The following LGI2 variants were observed in gnomAD, a reference collection of about 807,000 sequenced individuals.
LGI2 encodes the protein leucine rich repeat LGI family member 2, also known as leucine-rich repeat LGI family member 2.
In LGI2, 30 loss-of-function variants were observed where a neutral mutation model predicts 52.0. That is an observed-to-expected ratio of 0.58 (90% CI 0.43 to 0.78). LGI2 has a LOEUF of 0.78. Ranked by LOEUF, LGI2 falls within the 30% of genes least tolerant of loss-of-function variation. The probability of loss-of-function intolerance (pLI) is 0.00; values close to 1 mark genes in which losing one functional copy is unlikely to be tolerated. For missense variants in LGI2, 573 were observed against 692.5 expected (o/e 0.83, Z 1.94); for synonymous variants, 270 against 271.8 (o/e 0.99, Z 0.06).
Position 25,030,789 on chromosome 4 carries a change from C to G in LGI2, c.-96G>C. ...GCAGACGCGGGCGCCGCTCGCTGCT[C>G]TGCCGCCGCCGCTGCTGGCGAGGAC... On this transcript the variant is annotated 5_prime_UTR_variant, in exon 1 of 8. Transcript: ENST00000382114. 1.5e-6 allele frequency: 1 copy of G among 646,984 alleles called. No homozygotes were observed. The highest frequency in any genetic ancestry group is 1.9e-6 in the Non-Finnish European group (1 of 515,730). 40.1% of individuals were successfully genotyped at this position (646,984 alleles called of 1,614,324 possible). A position where few individuals can be genotyped will look rare whatever the true frequency, so the allele number is the denominator to read the frequency against.
Position 25,004,356 on chromosome 4 carries a change from G to T in LGI2, c.821-88C>A. On this transcript the variant is annotated intron_variant, in intron 7 of 7. Transcript: ENST00000382114. The surrounding 1 kb of genome is among the most constrained non-coding windows in gnomAD (Gnocchi z 4.6). Reference sequence around the variant, plus strand: ...GTACTCTTATACACTGCTGGTGGGAGTGTGAAATGGCACAGCCACTATGGA... The same window carrying T: ...GTACTCTTATACACTGCTGGTGGGATTGTGAAATGGCACAGCCACTATGGA... The T allele has an allele frequency of 1.7e-6, 2 of 1,163,180 alleles. No homozygotes were observed. Among genetic ancestry groups the T allele is most frequent in the Non-Finnish European group, 2.4e-6 (2 of 823,868 alleles). 72.1% of individuals were successfully genotyped at this position (1,163,180 alleles called of 1,614,324 possible).
Position 25,012,363 on chromosome 4 carries a change from C to T in LGI2, c.792G>A (p.Met264Ile), listed in dbSNP as rs1435926979. ...CMVLEWDHIEMNFRSYDNITG... is the reference protein window; with the variant it reads ...CMVLEWDHIEINFRSYDNITG... ...TAATGTTGTCATAGCTCCGGAAATT[C>T]ATTTCAATGTGGTCCCACTCCAGCA... The change falls in exon 7 of 8, where the codon ATG becomes ATA. Residue 264 changes from methionine to isoleucine, a missense_variant. Coordinates refer to ENST00000382114, the MANE Select transcript of LGI2 (RefSeq NM_018176.4). 6.2e-7 allele frequency: 1 copy of T among 1,614,256 alleles called. No homozygotes were observed. Among genetic ancestry groups the T allele is most frequent in the Middle Eastern group, 1.6e-4 (1 of 6,062 alleles).
intron 4 of LGI2, among the ~76,000 whole-genome samples, chr4:25,023,708 G>A (rs1270058971): frequency 6.6e-6 from 1 of 152,124 alleles, no homozygotes; most frequent in Admixed American, 6.5e-5. Flanking sequence ...TTTATGGCAG[G>A]CAGGCTGACT....
Position 25,003,985 on chromosome 4 carries a change from G to A in LGI2, c.1104C>T (p.His368=), listed in dbSNP as rs3796790. 1,471 of 1,614,164 alleles carry A rather than the reference G, an allele frequency of 9.1e-4. 27 individuals are homozygous for A. In the East Asian group the frequency reaches 0.025, roughly 28 times the overall value. Reference sequence around the variant, plus strand: ...CCGCATCCGTGTCCCTGAACCACTCGTGCAGTGACTGGTAAGAATAGAATC... The same window carrying A: ...CCGCATCCGTGTCCCTGAACCACTCATGCAGTGACTGGTAAGAATAGAATC... ...SKGFYSYQSL[H]EWFRDTDAEF... is the part of the protein sequence containing the mutation. The change falls in exon 8 of 8, where the codon CAC becomes CAT. Residue 368 remains histidine, a synonymous_variant. Transcript: ENST00000382114.
At chr4:24,992,441 C>T in the LGI2 span, among the ~76,000 whole-genome samples, 1,323 of 152,072 alleles carry the variant, frequency 8.7e-3, 17 homozygotes, top group African/African-American at 0.03. Flanking sequence ...GAGCCAGGTG[C>T]GGTGGCTCAC....
At chr4:25,024,759 TC>T in intron 4 of LGI2, 60 bp downstream of exon 4, 1 of 1,145,016 alleles carries the variant, frequency 8.7e-7, no homozygotes, top group Non-Finnish European at 1.3e-6. Context: ...ACAGAGAGGC[TC>T]CAGGAAACCA....
rs115077334 is a variant in LGI2 at position 25,016,099 on chromosome 4, A to T, written c.655+1890T>A. On this transcript the variant is annotated intron_variant, in intron 6 of 7. Coordinates refer to ENST00000382114, the MANE Select transcript of LGI2 (RefSeq NM_018176.4). ...TGCTACTCCATGTTGGGATGAGGAC[A>T]GGTTACCTCAGTTCCAAGCTACCAC... Among the ~76,000 whole-genome samples, 714 of 151,860 alleles carry T rather than the reference A, an allele frequency of 4.7e-3. 10 individuals are homozygous for T. Among genetic ancestry groups the T allele is most frequent in the African/African-American group, 0.016 (664 of 41,146 alleles).
At chr4:25,025,603 T>C (rs1433249808) in intron 3 of LGI2, among the ~76,000 whole-genome samples, 1 of 137,500 alleles carries the variant, frequency 7.3e-6, no homozygotes, top group African/African-American at 3.3e-5. Flanking sequence ...GGGAAATAAT[T>C]GATGTGAATT....
chr4:25,025,221 C>G (rs1237757322), intron 3 of LGI2, among the ~76,000 whole-genome samples: 1 of 152,202 alleles, frequency 6.6e-6, no homozygotes, highest in Non-Finnish European at 1.5e-5. Flanking sequence ...CTCTGCAAGA[C>G]TGGAGCACTT....
chr4:25,009,362 C>G (rs181227349), intron 7 of LGI2, among the ~76,000 whole-genome samples: 2 of 152,254 alleles, frequency 1.3e-5, no homozygotes, highest in South Asian at 2.1e-4. Context: ...CCTCTCCATG[C>G]GAACCAATCC....
intron 4 of LGI2, among the ~76,000 whole-genome samples, chr4:25,022,990 C>T (rs1290573605): frequency 6.6e-6 from 1 of 152,178 alleles, no homozygotes; most frequent in East Asian, 1.9e-4. Flanking sequence ...TGTCTGGCCA[C>T]CCAAACTGCC....
rs1385460546 is a variant in LGI2 at position 25,000,852 on chromosome 4, T to A, written c.*2599A>T. ...ACATTATTACTGGAAGAATGCTTCT[T>A]GCAGAAGTTGTTTAAAACTTCAGGG... is the stretch of plus-strand genomic sequence containing the variant. On this transcript the variant is annotated 3_prime_UTR_variant, in exon 8 of 8. Coordinates refer to ENST00000382114, the MANE Select transcript of LGI2 (RefSeq NM_018176.4). The A allele has an allele frequency of 1.3e-5, 2 of 152,218 alleles. No individual in the cohort carries two copies. The highest frequency in any genetic ancestry group is 2.4e-5 in the African/African-American group (1 of 41,454). The allele number at this position is 152,218 out of a possible 1,614,324, so 9.4% of individuals were successfully genotyped here.
At chr4:25,022,040 T>G (rs561260732) in intron 4 of LGI2, among the ~76,000 whole-genome samples, 1 of 151,768 alleles carries the variant, frequency 6.6e-6, no homozygotes, top group African/African-American at 2.4e-5. Context: ...TCAGGAAGTA[T>G]GTCCTGCTGG....
chr4:25,017,537 G>C (rs1243371544), intron 6 of LGI2, among the ~76,000 whole-genome samples: 1 of 70,948 alleles, frequency 1.4e-5, no homozygotes, highest in Non-Finnish European at 2.3e-5. Context: ...GTAAGACTCT[G>C]CCTCAAAAAA....
Position 25,000,220 on chromosome 4 carries a change from C to G in LGI2, c.*3231G>C, listed in dbSNP as rs6827675. ...AGGTGCTGCCAAATTCAAAATCATG[C>G]TAGAAATGAAAGTCTTTCTCTGGGA... On this transcript the variant is annotated 3_prime_UTR_variant, in exon 8 of 8. Transcript: ENST00000382114. The G allele has an allele frequency of 0.51, 85,868 of 168,716 alleles. 22,925 individuals carry two copies. Among genetic ancestry groups the G allele is most frequent in the East Asian group, 0.77 (4,281 of 5,566 alleles). The allele number at this position is 168,716 out of a possible 1,614,324, so 10.5% of individuals were successfully genotyped here. A position where few individuals can be genotyped will look rare whatever the true frequency, so the allele number is the denominator to read the frequency against.
intron 3 of LGI2, among the ~76,000 whole-genome samples, chr4:25,025,267 G>A (rs1289135835): frequency 6.6e-6 from 1 of 152,198 alleles, no homozygotes; most frequent in East Asian, 1.9e-4. Flanking sequence ...ACATTTCACG[G>A]TGCCTGGCTA....
chr4:25,030,472 TG>T, intron 1 of LGI2, 24 bp downstream of exon 1: 1 of 1,534,936 alleles, frequency 6.5e-7, no homozygotes, highest in Non-Finnish European at 8.8e-7. Context: ...CGGGACGGGA[TG>T]GGGGCTGGAG....
intron 2 of LGI2, among the ~76,000 whole-genome samples, chr4:25,027,794 T>A (rs559069280): frequency 5.9e-5 from 9 of 152,256 alleles, no homozygotes; most frequent in Non-Finnish European, 1.2e-4. Flanking sequence ...GGATTGCTTT[T>A]GAAAACTACT....
chr4:25,006,886 C>G (rs945720845), intron 7 of LGI2, among the ~76,000 whole-genome samples: 1 of 152,084 alleles, frequency 6.6e-6, no homozygotes. Context: ...ACTCTGATAC[C>G]AAAGAATCAA....
Sources: gnomAD v4.1 joint callset for allele counts (sites outside exome capture counted in the v4.1 genomes callset) on GRCh38, gnomAD v4.1.1 for gene constraint, Gnocchi (gnomAD v3.1) non-coding constraint, MANE v1.5 for transcripts, NCBI Gene and HGNC (gene_info 2026-07-23, HGNC 2026-07-21) for gene names.